The following PACRG variants were observed in gnomAD, a reference collection of about 807,000 sequenced individuals.
PACRG encodes the protein parkin coregulated gene protein.
In PACRG, 29 loss-of-function variants were observed where a neutral mutation model predicts 29.7. The observed-to-expected ratio is 0.98, with a 90% CI of 0.73 to 1.33. PACRG has a LOEUF of 1.33. Among genes scored for constraint, PACRG ranks in the 40% most tolerant of loss-of-function variants. The pLI, the probability that PACRG is intolerant of heterozygous loss-of-function variation, is 0.00. For missense variants in PACRG, 279 were observed against 316.2 expected (o/e 0.88, Z 0.89); for synonymous variants, 116 against 118.7 (o/e 0.98, Z 0.15).
chr6:162,818,917 T>A (rs1262276302), intron 2 of PACRG, among the ~76,000 whole-genome samples: 1 of 152,150 alleles, frequency 6.6e-6, no homozygotes, highest in Non-Finnish European at 1.5e-5. Context: ...CTTTTATGCA[T>A]GCAACAAAAT....
intron 4 of PACRG, among the ~76,000 whole-genome samples, chr6:163,155,760 C>T (rs998218816): frequency 2.6e-5 from 4 of 152,256 alleles, no homozygotes; most frequent in African/African-American, 9.6e-5. Context: ...AGCTGAGTCT[C>T]TATCCTGTCC....
intron 1 of PACRG, among the ~76,000 whole-genome samples, chr6:162,760,513 G>A (rs1392560961): frequency 6.6e-6 from 1 of 152,082 alleles, no homozygotes; most frequent in Non-Finnish European, 1.5e-5. Context: ...AAAGAACCAG[G>A]GTACCAAGAG....
intron 4 of PACRG, among the ~76,000 whole-genome samples, chr6:163,282,893 C>A (rs1331613665): frequency 1.3e-5 from 2 of 152,202 alleles, no homozygotes; most frequent in Non-Finnish European, 1.5e-5. Context: ...AGCCCTTCTA[C>A]AAGGAAAGCC....
chr6:163,221,370 G>A (rs1477496045), intron 4 of PACRG, among the ~76,000 whole-genome samples: 2 of 152,238 alleles, frequency 1.3e-5, no homozygotes, highest in Non-Finnish European at 2.9e-5. Context: ...AAGGCAGTGA[G>A]AAGAAGGAGC....
At chr6:163,024,973 A>G (rs906972225) in intron 2 of PACRG, among the ~76,000 whole-genome samples, 1 of 152,232 alleles carries the variant, frequency 6.6e-6, no homozygotes, top group Non-Finnish European at 1.5e-5. Context: ...AAAAGCAAAA[A>G]GCCTTTATTG....
At chr6:162,756,262 A>G (rs1469841349) in intron 1 of PACRG, among the ~76,000 whole-genome samples, 1 of 152,162 alleles carries the variant, frequency 6.6e-6, no homozygotes, top group African/African-American at 2.4e-5. Flanking sequence ...CTCTACTATT[A>G]TAGTATTGCA....
intron 2 of PACRG, among the ~76,000 whole-genome samples, chr6:162,919,379 A>G (rs148871948): frequency 1.6e-4 from 24 of 152,318 alleles, no homozygotes; most frequent in African/African-American, 5.3e-4. Flanking sequence ...GGTACTGAGC[A>G]AAGGAGGGAG....
chr6:163,231,075 C>G (rs907350800), intron 4 of PACRG, among the ~76,000 whole-genome samples: 1 of 152,182 alleles, frequency 6.6e-6, no homozygotes, highest in African/African-American at 2.4e-5. Context: ...AAGTGGAGAC[C>G]CCAAACAGGG....
intron 2 of PACRG, among the ~76,000 whole-genome samples, chr6:162,977,033 AC>A (rs1802018828): frequency 6.6e-6 from 1 of 152,050 alleles, no homozygotes; most frequent in Non-Finnish European, 1.5e-5. Flanking sequence ...AACTTGCAGG[AC>A]TTGAGTAAAT....
intron 3 of PACRG, among the ~76,000 whole-genome samples, chr6:163,075,584 T>A (rs939311282): frequency 3.3e-5 from 5 of 152,172 alleles, no homozygotes; most frequent in African/African-American, 1.2e-4. Context: ...TTCAGGAGTA[T>A]AAGACTGGCT....
intron 4 of PACRG, among the ~76,000 whole-genome samples, chr6:163,212,879 T>C (rs1356659633): frequency 3.3e-5 from 5 of 151,914 alleles, no homozygotes; most frequent in South Asian, 2.1e-4. Flanking sequence ...CCCAGGTTCA[T>C]GCCATTCTCC....
At chr6:162,792,627 C>T (rs1051656862) in intron 1 of PACRG, among the ~76,000 whole-genome samples, 7 of 152,164 alleles carry the variant, frequency 4.6e-5, no homozygotes, top group Non-Finnish European at 2.9e-5. Flanking sequence ...TCTCTAGTCC[C>T]AGTGTTATAA....
In PACRG at chr6:162,951,309, T is replaced by C. The variant is rs542124909; in HGVS notation, c.292-110841T>C. Among the ~76,000 whole-genome samples the C allele has an allele frequency of 5.9e-5, 9 of 152,350 alleles. No homozygotes were observed. The South Asian group carries it at 1.9e-3, about 32-fold the overall frequency. On this transcript the variant is annotated intron_variant, in intron 2 of 4. Coordinates refer to ENST00000366888, the MANE Select transcript of PACRG (RefSeq NM_001080379.2). ...GAAAGATTGAAACTCGCTTAGTTCT[T>C]ATTGGTCAGCACAGCTGAGCTATGA...
chr6:163,084,523 T>A (rs558493778), intron 3 of PACRG, among the ~76,000 whole-genome samples: 8 of 152,264 alleles, frequency 5.3e-5, no homozygotes, highest in Non-Finnish European at 1.0e-4. Context: ...TGCCTTTGTT[T>A]CACAGCTACT....
intron 2 of PACRG, among the ~76,000 whole-genome samples, chr6:162,992,903 C>G (rs979166084): frequency 6.6e-6 from 1 of 151,866 alleles, no homozygotes; most frequent in African/African-American, 2.4e-5. Context: ...CCTCTACACA[C>G]TGCTTTGAGT....
At chr6:162,845,010 C>A (rs936592841) in intron 2 of PACRG, among the ~76,000 whole-genome samples, 2 of 151,686 alleles carry the variant, frequency 1.3e-5, no homozygotes, top group South Asian at 2.1e-4. Flanking sequence ...AGCTGATGTG[C>A]TTTTTGTCAA....
intron 2 of PACRG, among the ~76,000 whole-genome samples, chr6:162,877,027 G>A (rs191174745): frequency 1.3e-4 from 20 of 152,272 alleles, no homozygotes; most frequent in Middle Eastern, 3.4e-3. Context: ...AGACAGTGTG[G>A]CGATTCCTCA....
At chr6:163,157,110 C>T (rs1778356866) in intron 4 of PACRG, among the ~76,000 whole-genome samples, 1 of 152,178 alleles carries the variant, frequency 6.6e-6, no homozygotes, top group South Asian at 2.1e-4. Context: ...CTTCCTAAAA[C>T]ACATCTCTTC....
At chr6:163,029,728 G>A (rs1807479008) in intron 2 of PACRG, among the ~76,000 whole-genome samples, 2 of 152,172 alleles carry the variant, frequency 1.3e-5, no homozygotes, top group Admixed American at 6.5e-5. Context: ...TGATTGGAAG[G>A]GGAGCTGCAG....
Sources: allele counts gnomAD v4.1 joint callset (sites outside exome capture counted in the v4.1 genomes callset), GRCh38; gene constraint gnomAD v4.1.1; transcripts MANE v1.5; gene names NCBI Gene and HGNC (gene_info 2026-07-23, HGNC 2026-07-21).